The following RASA1 variants were observed in gnomAD, a reference collection of about 807,000 sequenced individuals.
RASA1 encodes ras GTPase-activating protein 1.
A neutral mutation model predicts 132.2 loss-of-function variants in RASA1; 25 were observed. That is an observed-to-expected ratio of 0.19 (90% CI 0.14 to 0.26). RASA1 has a LOEUF of 0.26. RASA1 is among the 10% of genes least tolerant of loss of function. RASA1 has a pLI of 1.00. For synonymous variants in RASA1, 477 were observed against 449.9 expected, an observed-to-expected ratio of 1.06 and a Z score of -0.76; for missense variants, 964 against 1,299.2, an observed-to-expected ratio of 0.74 and a Z score of 3.97.
intron 1 of RASA1, among the ~76,000 whole-genome samples, chr5:87,327,962 G>A (rs535529929): frequency 4.8e-4 from 70 of 145,748 alleles, no homozygotes; most frequent in African/African-American, 1.7e-3. Context: ...GCAAGACTCC[G>A]TTTCCCAAAA....
intron 1 of RASA1, among the ~76,000 whole-genome samples, chr5:87,274,001 G>A (rs1030807068): frequency 6.6e-6 from 1 of 152,088 alleles, no homozygotes; most frequent in Non-Finnish European, 1.5e-5. Context: ...CGGCCAATAG[G>A]AAGATTTCAT....
intron 10 of RASA1, among the ~76,000 whole-genome samples, chr5:87,362,991 G>A (rs1416515864): frequency 1.3e-5 from 2 of 150,590 alleles, no homozygotes; most frequent in South Asian, 2.1e-4. Context: ...TTGACATAAC[G>A]ACATTTTGGG....
chr5:87,283,958 G>A (rs1024422126), intron 1 of RASA1, among the ~76,000 whole-genome samples: 1 of 152,102 alleles, frequency 6.6e-6, no homozygotes, highest in Non-Finnish European at 1.5e-5. Context: ...AGGCAATAGA[G>A]AAATGAGCTT....
rs2112508926 is a variant in RASA1, at chr5:87,383,700, C to T, written c.2691-13C>T. On this transcript the variant is annotated splice_polypyrimidine_tract_variant and intron_variant, in intron 20 of 24. Coordinates refer to ENST00000274376, the MANE Select transcript of RASA1 (RefSeq NM_002890.3). Reference sequence around the variant, plus strand: ...TTCTAAAAAAAAAAAAAAAAAATTTCCCTCCCATTCAGTGGTTTTGTTTTT... The same window carrying T: ...TTCTAAAAAAAAAAAAAAAAAATTTTCCTCCCATTCAGTGGTTTTGTTTTT... 6.9e-6 allele frequency: 11 copies of T among 1,588,820 alleles called. No individual in the cohort carries two copies. Among genetic ancestry groups the T allele is most frequent in the South Asian group, 5.7e-5 (5 of 88,014 alleles).
Position 87,379,715 on chromosome 5 carries a change from T to G in RASA1, c.2488-20T>G, listed in dbSNP as rs369400038. On this transcript the variant is annotated intron_variant, in intron 18 of 24. Transcript: ENST00000274376. ...TGTCATTGCCAACATGCATTTATAT[T>G]GATTTATTCCTTCTTTTAGTTAAGT... 28 of 1,609,988 alleles carry G rather than the reference T, an allele frequency of 1.7e-5. No individual in the cohort carries two copies. In the African/African-American group the frequency reaches 3.5e-4, roughly 20 times the overall value.
intron 1 of RASA1, among the ~76,000 whole-genome samples, chr5:87,302,619 T>C (rs1305671629): frequency 6.6e-6 from 1 of 151,674 alleles, no homozygotes; most frequent in African/African-American, 2.4e-5. Flanking sequence ...TATAGTATAC[T>C]ATACTAAAGC....
chr5:87,387,769 G>A (rs780124417), intron 23 of RASA1, among the ~76,000 whole-genome samples: 4 of 152,090 alleles, frequency 2.6e-5, no homozygotes, highest in Non-Finnish European at 5.9e-5. Context: ...GAAAAATTAT[G>A]GCATAGCTCC....
Position 87,338,089 on chromosome 5 carries a change from G to T in RASA1, c.1015G>T (p.Val339Leu). The change falls in exon 5 of 25, where the codon GTG (valine) becomes TTG (leucine). Residue 339 changes from valine to leucine, a missense_variant and splice_region_variant. Val to Leu is a conservative substitution (Grantham distance 32). Coordinates refer to ENST00000274376, the MANE Select transcript of RASA1 (RefSeq NM_002890.3). ...TATTGTTGAAGACCTAGTAGAAGAG[G>T]TGGTAAGTTTTGTTCTTTTCTTCTC... ...GLIVEDLVEE[V>L]GREEDPHEGK... 6.2e-7 allele frequency: 1 copy of T among 1,612,134 alleles called. No individual in the cohort carries two copies. The highest frequency in any genetic ancestry group is 8.5e-7 in the Non-Finnish European group (1 of 1,178,952).
intron 9 of RASA1, among the ~76,000 whole-genome samples, chr5:87,356,415 G>C (rs1759655224): frequency 6.6e-6 from 1 of 151,602 alleles, no homozygotes; most frequent in African/African-American, 2.4e-5. Flanking sequence ...CCGGAGTCAG[G>C]GTCTTGCGCT....
chr5:87,321,794 T>C (rs1756831954), intron 1 of RASA1, among the ~76,000 whole-genome samples: 1 of 152,182 alleles, frequency 6.6e-6, no homozygotes. Flanking sequence ...TATGGAATTT[T>C]CATGACATCA....
At chr5:87,362,118 G>C (rs1316764826) in intron 9 of RASA1, among the ~76,000 whole-genome samples, 1 of 152,180 alleles carries the variant, frequency 6.6e-6, no homozygotes, top group East Asian at 1.9e-4. Context: ...TGGTACGGTT[G>C]TCTGTATTCA....
intron 1 of RASA1, among the ~76,000 whole-genome samples, chr5:87,280,926 CTT>C (rs199882718): frequency 3.6e-5 from 5 of 140,372 alleles, no homozygotes; most frequent in African/African-American, 2.6e-5. Context: ...TGGCTAATTT[CTT>C]TTTTTTTTTT....
At chr5:87,374,016 T>C (rs1761136900) in intron 13 of RASA1, 147 bp from the exon 14 acceptor site, 2 of 604,684 alleles carry the variant, frequency 3.3e-6, no homozygotes, top group South Asian at 6.6e-5. Context: ...CATATACAAA[T>C]ATATAACCAA....
chr5:87,313,539 A>G (rs1332404948), intron 1 of RASA1, among the ~76,000 whole-genome samples: 2 of 152,178 alleles, frequency 1.3e-5, no homozygotes, highest in East Asian at 3.8e-4. Flanking sequence ...CTCATCTCCC[A>G]CCTGCCAGTG....
intron 9 of RASA1, among the ~76,000 whole-genome samples, chr5:87,354,420 G>C (rs1032767711): frequency 2.2e-4 from 34 of 152,172 alleles, no homozygotes; most frequent in African/African-American, 7.5e-4. Flanking sequence ...GTTGATCTGT[G>C]ATCAGTGATC....
In RASA1 at chr5:87,293,254, T is replaced by C. The variant is rs73156343; in HGVS notation, c.539+24264T>C. On this transcript the variant is annotated intron_variant, in intron 1 of 24. Coordinates refer to ENST00000274376, the MANE Select transcript of RASA1 (RefSeq NM_002890.3). ...TAGCTGTAGATTTTTTGGTAGATTT[T>C]TTTTTTTTATCAAGTTGAGGAAGTT... Among the ~76,000 whole-genome samples, 202 of 152,174 alleles carry C rather than the reference T, an allele frequency of 1.3e-3. 1 individual carries two copies. The highest frequency in any genetic ancestry group is 4.6e-3 in the African/African-American group (192 of 41,512).
intron 1 of RASA1, among the ~76,000 whole-genome samples, chr5:87,316,612 C>T (rs1270863191): frequency 6.6e-6 from 1 of 152,118 alleles, no homozygotes; most frequent in Non-Finnish European, 1.5e-5. Context: ...GGATTGAGAA[C>T]ATGGAGAGTG....
At chr5:87,383,911 C>A in intron 21 of RASA1, 131 bp downstream of exon 21, 1 of 784,578 alleles carries the variant, frequency 1.3e-6, no homozygotes. Context: ...ATGAAGTATT[C>A]CAAAGCACCC....
chr5:87,328,283 A>G (rs949535210), intron 1 of RASA1, among the ~76,000 whole-genome samples: 11 of 151,490 alleles, frequency 7.3e-5, no homozygotes, highest in Non-Finnish European at 1.3e-4. Flanking sequence ...TATGATTCTT[A>G]TGCTTATGTT....
Sources: gnomAD v4.1 joint callset for allele counts (sites outside exome capture counted in the v4.1 genomes callset) on GRCh38, gnomAD v4.1.1 for gene constraint, MANE v1.5 for transcripts, NCBI Gene and HGNC (gene_info 2026-07-23, HGNC 2026-07-21) for gene names.